The following CROT variants were observed in gnomAD, a reference collection of about 807,000 sequenced individuals.
CROT encodes the protein carnitine O-octanoyltransferase.
A neutral mutation model predicts 89.2 loss-of-function variants in CROT; 84 were observed. The ratio of observed to expected loss-of-function variants is 0.94; its 90% CI spans 0.79 to 1.13. CROT has a LOEUF of 1.13. Ranked by LOEUF, CROT falls within the 50% of genes most tolerant of loss-of-function variation. CROT has a pLI of 0.00. For missense variants in CROT, 711 were observed against 727.8 expected (o/e 0.98, Z 0.27); for synonymous variants, 212 against 239.5 (o/e 0.89, Z 1.06).
intron 3 of CROT, among the ~76,000 whole-genome samples, chr7:87,349,987 A>G (rs1805816582): frequency 2.0e-5 from 3 of 152,210 alleles, no homozygotes; most frequent in Admixed American, 1.3e-4. Context: ...GAAAGTTAAT[A>G]TACTAGGTTA....
chr7:87,383,761 T>C (rs1010460806), intron 13 of CROT, among the ~76,000 whole-genome samples: 2 of 152,146 alleles, frequency 1.3e-5, no homozygotes, highest in Non-Finnish European at 2.9e-5. Flanking sequence ...CCTCCCAAAG[T>C]GCTGGGATTA....
At position 87,346,377 on chromosome 7, in the gene CROT, A is replaced by G. The variant is rs2115768743; in HGVS notation, c.-75A>G. On this transcript the variant is annotated 5_prime_UTR_variant, in exon 2 of 18. Transcript: ENST00000331536. ...TCCAGTTCCCTGTGATCTCAAAACA[A>G]TTGTTGCAGCAGGCTCCTGGCAGTC... The G allele has an allele frequency of 6.6e-6, 1 of 152,202 alleles. No individual in the cohort carries two copies. Among genetic ancestry groups the G allele is most frequent in the East Asian group, 1.9e-4 (1 of 5,162 alleles). The allele number at this position is 152,202 out of a possible 1,614,324, so 9.4% of individuals were successfully genotyped here.
chr7:87,376,079 A>G, intron 9 of CROT, 126 bp downstream of exon 9: 1 of 830,138 alleles, frequency 1.2e-6, no homozygotes, highest in Non-Finnish European at 1.8e-6. Context: ...TAGTTATACA[A>G]TATACTTGTG....
intron 3 of CROT, among the ~76,000 whole-genome samples, chr7:87,353,046 G>A (rs1805926917): frequency 6.6e-6 from 1 of 152,168 alleles, no homozygotes; most frequent in South Asian, 2.1e-4. Context: ...GTACTCAGGA[G>A]TCAAAGCCCT....
intron 17 of CROT, among the ~76,000 whole-genome samples, chr7:87,395,109 G>C (rs570229865): frequency 6.6e-6 from 1 of 152,130 alleles, no homozygotes; most frequent in African/African-American, 2.4e-5. Context: ...TAACTCACAC[G>C]ATCACAAGGT....
At chr7:87,375,485 T>C (rs1806780262) in intron 7 of CROT, 147 bp from the exon 8 acceptor site, 2 of 569,352 alleles carry the variant, frequency 3.5e-6, no homozygotes, top group Admixed American at 3.4e-5. Context: ...AAATATGTGA[T>C]GTAGGAAATC....
rs763518234 is a variant in CROT at position 87,361,760 on chromosome 7, C to T, written c.455C>T (p.Thr152Ile). Residue 152 changes from threonine (T) to isoleucine (I), a missense_variant, in exon 6 of 18, where the codon ACT (threonine) becomes ATT (isoleucine). Coordinates refer to ENST00000331536, the MANE Select transcript of CROT (RefSeq NM_021151.4). ...EKVPVHKVGNTPLDMNQFRML... is the reference protein window; with the variant it reads ...EKVPVHKVGNIPLDMNQFRML... ...GTGCCTGTTCATAAAGTTGGAAATA[C>T]TCCTCTAGATATGAATCAATTCCGA... The T allele has an allele frequency of 6.2e-7, 1 of 1,600,054 alleles. No homozygotes were observed. The highest frequency in any genetic ancestry group is 8.5e-7 in the Non-Finnish European group (1 of 1,174,778).
chr7:87,360,867 T>TTTTAAC (rs1806244352), intron 4 of CROT, among the ~76,000 whole-genome samples: 4 of 152,214 alleles, frequency 2.6e-5, no homozygotes, highest in Admixed American at 2.6e-4. Flanking sequence ...GATAGTGTAG[T>TTTTAAC]TAAAACAAAT....
chr7:87,377,402 C>T lies in CROT; in HGVS notation c.930C>T (p.Ser310=), dbSNP rs1338107419. Residue 310 remains serine, a synonymous_variant, in exon 10 of 18, where the codon TCC becomes TCT. Transcript: ENST00000331536. ...CAACAGTACGCTGGGGTGACAAATC[C>T]TATAACTTGATTTCCTTTTCTAATG... ...GDPTVRWGDK[S]YNLISFSNGV... is the part of the protein sequence containing the mutation. 1 of 1,611,500 alleles carries T rather than the reference C, an allele frequency of 6.2e-7. No individual in the cohort carries two copies. Among genetic ancestry groups the T allele is most frequent in the Non-Finnish European group, 8.5e-7 (1 of 1,178,260 alleles).
intron 8 of CROT, 39 bp downstream of exon 8, chr7:87,375,764 A>G (rs771061678): frequency 2.5e-6 from 4 of 1,612,442 alleles, no homozygotes; most frequent in Non-Finnish European, 3.4e-6. Context: ...CTTTTCTCTA[A>G]CAAACTCTTT....
intron 17 of CROT, 74 bp from the exon 18 acceptor site, chr7:87,398,449 TA>T: frequency 6.5e-7 from 1 of 1,547,612 alleles, no homozygotes. Flanking sequence ...CCAGATGAAA[TA>T]AAGTCCTGGT....
Position 87,382,537 on chromosome 7 carries a change from A to G in CROT, c.1295A>G (p.His432Arg), listed in dbSNP as rs755315658. Residue 432 changes from histidine to arginine, a missense_variant, in exon 13 of 18, where the codon CAT (histidine) becomes CGT (arginine). By Grantham distance (29) the His-to-Arg change is conservative (BLOSUM62 0). Transcript: ENST00000331536. ...CTTCAGCTGGCCTATTACAGACTTCATGGACAGTAAGGACCATTCAGTTTC... is the reference window on the plus strand; with the variant it reads ...CTTCAGCTGGCCTATTACAGACTTCGTGGACAGTAAGGACCATTCAGTTTC... ...LALQLAYYRL[H>R]GHPGCCYETA... 1.2e-6 allele frequency: 2 copies of G among 1,613,296 alleles called. No individual in the cohort carries two copies. Among genetic ancestry groups the G allele is most frequent in the Non-Finnish European group, 1.7e-6 (2 of 1,179,694 alleles).
At chr7:87,395,872 T>C (rs1329992401) in intron 17 of CROT, among the ~76,000 whole-genome samples, 3 of 152,048 alleles carry the variant, frequency 2.0e-5, no homozygotes, top group Non-Finnish European at 4.4e-5. Flanking sequence ...CAGGACTCAA[T>C]AGAAAGGATT....
chr7:87,377,286 G>T, intron 9 of CROT, 63 bp from the exon 10 acceptor site: 1 of 971,730 alleles, frequency 1.0e-6, no homozygotes, highest in Non-Finnish European at 1.6e-6. Flanking sequence ...ATGTGTTTAA[G>T]ATGTAAATTC....
intron 7 of CROT, among the ~76,000 whole-genome samples, chr7:87,374,696 A>G (rs1037033224): frequency 7.9e-5 from 12 of 151,950 alleles, no homozygotes; most frequent in Admixed American, 3.3e-4. Context: ...CAAGGGGGGA[A>G]TTTTTCAGCA....
chr7:87,394,773 A>G (rs962059315), intron 17 of CROT, among the ~76,000 whole-genome samples: 1 of 152,134 alleles, frequency 6.6e-6, no homozygotes, highest in African/African-American at 2.4e-5. Flanking sequence ...TTATATGACA[A>G]CTTTACAGGA....
chr7:87,368,653 G>T (rs1341653037), intron 6 of CROT, among the ~76,000 whole-genome samples: 1 of 152,158 alleles, frequency 6.6e-6, no homozygotes, highest in Non-Finnish European at 1.5e-5. Context: ...CCTTCAAGCG[G>T]CAGTGTATGT....
chr7:87,395,215 T>C (rs1807489086), intron 17 of CROT, among the ~76,000 whole-genome samples: 1 of 152,172 alleles, frequency 6.6e-6, no homozygotes, highest in Non-Finnish European at 1.5e-5. Flanking sequence ...CCAGGAAGCA[T>C]CTAGCACAGG....
chr7:87,361,637 C>T (rs1806277682), intron 5 of CROT, 66 bp downstream of exon 5: 3 of 1,525,498 alleles, frequency 2.0e-6, no homozygotes, highest in African/African-American at 2.8e-5. Flanking sequence ...TGTTGAGAAG[C>T]TTAATTTACT....
Sources: allele counts gnomAD v4.1 joint callset (sites outside exome capture counted in the v4.1 genomes callset), GRCh38; gene constraint gnomAD v4.1.1; transcripts MANE v1.5; gene names NCBI Gene and HGNC (gene_info 2026-07-23, HGNC 2026-07-21).